The following CDYL2 variants were observed in gnomAD, a reference collection of about 807,000 sequenced individuals.
CDYL2 encodes chromodomain Y like 2.
A neutral mutation model predicts 49.4 loss-of-function variants in CDYL2; 23 were observed. The observed-to-expected ratio is 0.47, with a 90% confidence interval of 0.34 to 0.66. CDYL2 has a LOEUF of 0.66. Ranked by LOEUF, CDYL2 falls within the 30% of genes least tolerant of loss-of-function variation. CDYL2 has a pLI of 0.01. For synonymous variants in CDYL2, 360 were observed against 268.8 expected (o/e 1.34, Z -3.32); for missense variants, 678 against 656.4 (o/e 1.03, Z -0.36).
At chr16:80,779,866 T>C (rs1907206442) in intron 1 of CDYL2, among the ~76,000 whole-genome samples, 1 of 152,178 alleles carries the variant, frequency 6.6e-6, no homozygotes, top group Non-Finnish European at 1.5e-5. Flanking sequence ...AAATTATGAG[T>C]AAAATGTGTT....
intron 1 of CDYL2, among the ~76,000 whole-genome samples, chr16:80,724,263 G>A (rs1905095309): frequency 1.3e-5 from 2 of 150,546 alleles, no homozygotes. Context: ...GGAGAAAGAG[G>A]AAGAGGAGGA....
At chr16:80,667,307 C>T (rs1057239944) in intron 2 of CDYL2, among the ~76,000 whole-genome samples, 3 of 152,168 alleles carry the variant, frequency 2.0e-5, no homozygotes, top group African/African-American at 7.2e-5. Context: ...GCAGGCTGCT[C>T]TAGAATTGGC....
chr16:80,632,901 T>C, intron 3 of CDYL2, 118 bp downstream of exon 3: 1 of 952,708 alleles, frequency 1.0e-6, no homozygotes, highest in Non-Finnish European at 1.6e-6. Flanking sequence ...CAAGTTTTTA[T>C]GCACGCTAGT....
In CDYL2 at chr16:80,684,941, C is replaced by A. The variant is rs1300782526; in HGVS notation, c.213G>T (p.Gln71His). ...SKDKRIKSGK[Q>H]SSTSKLLRDS... ...CACGCAGCAGCTTGGAGGTACTGGA[C>A]TGCTTCCCTGACTTGATCCTCTTGT... Residue 71 changes from glutamine to histidine, a missense_variant, in exon 2 of 7, where the codon CAG (glutamine) becomes CAT (histidine). Gln to His is a conservative substitution (Grantham distance 24). Around this residue, in one of 3 missense-constraint regions of CDYL2, gnomAD observed 478 missense variants for 427.0 expected, o/e 1.12. Transcript: ENST00000570137. 1.2e-6 allele frequency: 2 copies of A among 1,614,246 alleles called. No homozygotes were observed. The highest frequency in any genetic ancestry group is 2.2e-5 in the South Asian group (2 of 91,084).
At chr16:80,662,148 TG>T (rs1482298174) in intron 2 of CDYL2, among the ~76,000 whole-genome samples, 6 of 152,220 alleles carry the variant, frequency 3.9e-5, no homozygotes, top group East Asian at 1.9e-4. Context: ...GCAATCCAGT[TG>T]ATCTCACACC....
chr16:80,611,272 A>T (rs17823453), intron 5 of CDYL2, among the ~76,000 whole-genome samples: 1 of 152,152 alleles, frequency 6.6e-6, no homozygotes, highest in South Asian at 2.1e-4. Flanking sequence ...GATTTGCAGT[A>T]TTTGAAGAAA....
chr16:80,711,940 C>G (rs1279839124), intron 1 of CDYL2, among the ~76,000 whole-genome samples: 2 of 151,182 alleles, frequency 1.3e-5, no homozygotes, highest in Non-Finnish European at 2.9e-5. Flanking sequence ...GAGAAGGACA[C>G]CCATATATAT....
chr16:80,685,941 C>T (rs556085264), intron 1 of CDYL2, among the ~76,000 whole-genome samples: 2 of 152,228 alleles, frequency 1.3e-5, no homozygotes, highest in African/African-American at 4.8e-5. Flanking sequence ...GCTCCCCCAG[C>T]TGCAACACAG....
chr16:80,737,738 G>A (rs1905587592), intron 1 of CDYL2, among the ~76,000 whole-genome samples: 1 of 152,156 alleles, frequency 6.6e-6, no homozygotes, highest in African/African-American at 2.4e-5. Flanking sequence ...AGTAGGTCTG[G>A]GGTAAGGCTG....
At chr16:80,637,060 G>C (rs919213983) in intron 2 of CDYL2, among the ~76,000 whole-genome samples, 1 of 152,118 alleles carries the variant, frequency 6.6e-6, no homozygotes, top group Non-Finnish European at 1.5e-5. Flanking sequence ...TCTGGGGGTG[G>C]AGTGTTAGGG....
At chr16:80,668,614 G>C (rs915967869) in intron 2 of CDYL2, among the ~76,000 whole-genome samples, 7 of 152,048 alleles carry the variant, frequency 4.6e-5, no homozygotes, top group African/African-American at 1.7e-4. Context: ...GGAGAATATG[G>C]AGACTTTAAT....
intron 6 of CDYL2, among the ~76,000 whole-genome samples, chr16:80,607,798 G>A (rs971298330): frequency 2.6e-5 from 4 of 152,120 alleles, no homozygotes; most frequent in African/African-American, 7.2e-5. Context: ...GATGTTTTGC[G>A]TTTTTGTGGT....
In CDYL2 at chr16:80,656,103, T is replaced by C. The variant is rs112938693; in HGVS notation, c.617-22867A>G. 1.2e-4 allele frequency among the ~76,000 whole-genome samples: 18 copies of C among 152,320 alleles called. 3 individuals carry two copies. The highest frequency in any genetic ancestry group is 3.8e-4 in the African/African-American group (16 of 41,574). ...AAATGAGATTCAATCTTACTTAGTATTTTAAAAGGTAGGGGCTAAAAGTAC... is the reference window on the plus strand; with the variant it reads ...AAATGAGATTCAATCTTACTTAGTACTTTAAAAGGTAGGGGCTAAAAGTAC... On this transcript the variant is annotated intron_variant, in intron 2 of 6. Transcript: ENST00000570137.
rs879927786 is a variant in CDYL2, at chr16:80,601,958, G to C, written c.*2430C>G. Reference sequence around the variant, plus strand: ...CTAGTTCTTTCAAGCAGGGAATGAAGGTGGACACTGATCTAAAGGAATTTC... The same window carrying C: ...CTAGTTCTTTCAAGCAGGGAATGAACGTGGACACTGATCTAAAGGAATTTC... On this transcript the variant is annotated 3_prime_UTR_variant, in exon 7 of 7. Coordinates refer to ENST00000570137, the MANE Select transcript of CDYL2 (RefSeq NM_152342.4). 5.9e-5 allele frequency: 9 copies of C among 152,198 alleles called. No individual in the cohort carries two copies. The highest frequency in any genetic ancestry group is 1.3e-4 in the Admixed American group (2 of 15,276). The allele number at this position is 152,198 out of a possible 1,614,324, so 9.4% of individuals were successfully genotyped here.
chr16:80,615,982 G>T (rs551325537), intron 4 of CDYL2, among the ~76,000 whole-genome samples: 1 of 152,176 alleles, frequency 6.6e-6, no homozygotes, highest in Non-Finnish European at 1.5e-5. Flanking sequence ...GCGGGGCTGC[G>T]TGGGGAAAAC....
At chr16:80,700,935 GCAGCTAAGAAA>G (rs549560959) in intron 1 of CDYL2, among the ~76,000 whole-genome samples, 141 of 152,338 alleles carry the variant, frequency 9.3e-4, no homozygotes, top group African/African-American at 3.2e-3. Flanking sequence ...GTAACGCCGT[GCAGCTAAGAAA>G]CAGTTAAGCC....
intron 1 of CDYL2, among the ~76,000 whole-genome samples, chr16:80,693,499 G>A (rs1267163709): frequency 3.3e-5 from 5 of 152,104 alleles, no homozygotes. Context: ...TACTAACAGG[G>A]GCTTAATTTG....
At chr16:80,610,782 T>C (rs1264497600) in intron 5 of CDYL2, among the ~76,000 whole-genome samples, 3 of 152,192 alleles carry the variant, frequency 2.0e-5, no homozygotes, top group East Asian at 1.9e-4. Flanking sequence ...TCTGGGGTTG[T>C]AGAGTTTGGC....
chr16:80,617,273 G>T (rs1294617932), intron 4 of CDYL2, among the ~76,000 whole-genome samples: 1 of 152,172 alleles, frequency 6.6e-6, no homozygotes, highest in African/African-American at 2.4e-5. Flanking sequence ...GGGTGCCAAG[G>T]CCATGCGGCA....
Sources: allele counts gnomAD v4.1 joint callset (sites outside exome capture counted in the v4.1 genomes callset), GRCh38; gene constraint gnomAD v4.1.1; regional missense constraint gnomAD v4.1.1; transcripts MANE v1.5; gene names NCBI Gene and HGNC (gene_info 2026-07-23, HGNC 2026-07-21).